Variants in CDH23 observed in about 807,000 individuals in gnomAD.
CDH23 encodes cadherin related 23, also known as cadherin-23.
Under a neutral mutation model 317.1 loss-of-function variants are expected in CDH23, and 189 were observed. The observed-to-expected ratio is 0.60, with a 90% CI of 0.53 to 0.67. The LOEUF (loss-of-function observed/expected upper bound fraction) is 0.67. Among genes scored for constraint, CDH23 ranks in the 30% least tolerant of loss-of-function variants. The pLI, the probability that CDH23 is intolerant of heterozygous loss-of-function variation, is 0.00. For missense variants in CDH23, 4,401 were observed against 4,592.4 expected, an observed-to-expected ratio of 0.96 and a Z score of 1.20; for synonymous variants, 1,839 against 1,876.8, an observed-to-expected ratio of 0.98 and a Z score of 0.52.
intron 19 of CDH23, 147 bp from the exon 20 acceptor site, chr10:71,690,321 G>A (rs1865138377): frequency 1.7e-6 from 1 of 572,392 alleles, no homozygotes; most frequent in East Asian, 3.0e-5. Context: ...CAACAGGCAG[G>A]CCTCCCACCT....
At chr10:71,539,465 G>T (rs1855875182) in intron 6 of CDH23, among the ~76,000 whole-genome samples, 1 of 151,812 alleles carries the variant, frequency 6.6e-6, no homozygotes, top group South Asian at 2.1e-4. Context: ...CTCTCTCTCT[G>T]GTCTTTCTTT....
intron 14 of CDH23, among the ~76,000 whole-genome samples, chr10:71,658,764 A>G (rs1863522461): frequency 6.6e-6 from 1 of 151,958 alleles, no homozygotes; most frequent in African/African-American, 2.4e-5. Context: ...CGGGATTCAG[A>G]CCCCAGACGG....
intron 38 of CDH23, among the ~76,000 whole-genome samples, chr10:71,756,928 A>G (rs1287803928): frequency 6.6e-6 from 1 of 152,236 alleles, no homozygotes; most frequent in Non-Finnish European, 1.5e-5. Context: ...GCAAATGAGA[A>G]CAAACTGTTT....
rs34475820 is a variant in CDH23 at position 71,814,713 on chromosome 10, T to TACACACAC, written c.9739-223_9739-216dup. ...ACACACAATTTTCACAAGAAGCCGA[T>TACACACAC]ACACACACACACACACACACACAGA... On this transcript the variant is annotated intron_variant, in intron 69 of 69. Transcript: ENST00000224721. Among the ~76,000 whole-genome samples the TACACACAC allele has an allele frequency of 1.8e-4, 26 of 146,990 alleles. 1 individual carries two copies. The highest frequency in any genetic ancestry group is 4.7e-4 in the African/African-American group (19 of 40,084).
chr10:71,402,742 TGTGC>T (rs1847839197), intron 1 of CDH23, among the ~76,000 whole-genome samples: 1 of 100,856 alleles, frequency 9.9e-6, no homozygotes. Flanking sequence ...TGTGTGTGTG[TGTGC>T]ACGCGCGCGC....
intron 6 of CDH23, among the ~76,000 whole-genome samples, chr10:71,538,003 C>T (rs971448238): frequency 6.6e-6 from 1 of 152,208 alleles, no homozygotes; most frequent in African/African-American, 2.4e-5. Flanking sequence ...CGGTTTCCCT[C>T]TAAGCCTCAG....
intron 6 of CDH23, among the ~76,000 whole-genome samples, chr10:71,565,621 G>A (rs752831522): frequency 2.6e-5 from 4 of 152,144 alleles, no homozygotes; most frequent in African/African-American, 7.2e-5. Context: ...ACCCTTGAAG[G>A]TGCCCTTGTC....
intron 6 of CDH23, among the ~76,000 whole-genome samples, chr10:71,562,198 C>T (rs971505585): frequency 3.3e-5 from 5 of 152,186 alleles, no homozygotes; most frequent in African/African-American, 1.2e-4. Flanking sequence ...TCCTTGTCCT[C>T]AGATGGCAAA....
Position 71,810,457 on chromosome 10 carries a change from C to CAT in CDH23, c.8980-15_8980-14insAT, listed in dbSNP as rs1564806993. Reference sequence around the variant, plus strand: ...GCTGTGGTGGCCACACCCTACAATACCCCTTCTCATCTAGTTCCATGTGGA... The same window carrying CAT: ...GCTGTGGTGGCCACACCCTACAATACATCCCTTCTCATCTAGTTCCATGTGGA... On this transcript the variant is annotated splice_polypyrimidine_tract_variant and intron_variant, in intron 61 of 69. Coordinates refer to ENST00000224721, the MANE Select transcript of CDH23 (RefSeq NM_022124.6). 1.2e-6 allele frequency: 2 copies of CAT among 1,612,696 alleles called. No homozygotes were observed. Among genetic ancestry groups the CAT allele is most frequent in the Non-Finnish European group, 8.5e-7 (1 of 1,178,700 alleles).
At chr10:71,627,647 G>A (rs7068154) in intron 11 of CDH23, among the ~76,000 whole-genome samples, 4 of 151,950 alleles carry the variant, frequency 2.6e-5, no homozygotes, top group Non-Finnish European at 4.4e-5. Flanking sequence ...GCCGGTTCCC[G>A]CAGCTCCCAG....
intron 6 of CDH23, among the ~76,000 whole-genome samples, chr10:71,553,689 G>A (rs1402961947): frequency 6.6e-6 from 1 of 152,246 alleles, no homozygotes; most frequent in Non-Finnish European, 1.5e-5. Context: ...TCCCATAGAT[G>A]TAAGGCCCGC....
chr10:71,529,695 T>C (rs1475533653), intron 6 of CDH23, among the ~76,000 whole-genome samples: 1 of 152,078 alleles, frequency 6.6e-6, no homozygotes, highest in Non-Finnish European at 1.5e-5. Flanking sequence ...CTAGAGTGTA[T>C]CACACTCATA....
chr10:71,660,736 G>GGGAA (rs1490677338), intron 14 of CDH23, among the ~76,000 whole-genome samples: 2 of 152,148 alleles, frequency 1.3e-5, no homozygotes, highest in African/African-American at 4.8e-5. Context: ...GTGAAAGTTA[G>GGGAA]GGAAGGCATG....
intron 11 of CDH23, among the ~76,000 whole-genome samples, chr10:71,638,430 T>C (rs1325348623): frequency 6.6e-6 from 1 of 152,174 alleles, no homozygotes; most frequent in Non-Finnish European, 1.5e-5. Context: ...GCAGGCCTCG[T>C]TGTGCTGGAG....
At chr10:71,438,206 G>A (rs1165208334) in intron 1 of CDH23, among the ~76,000 whole-genome samples, 2 of 142,224 alleles carry the variant, frequency 1.4e-5, no homozygotes, top group African/African-American at 5.2e-5. Context: ...AGCCAAGCGT[G>A]GTGGCACGCA....
intron 6 of CDH23, among the ~76,000 whole-genome samples, chr10:71,541,982 T>C (rs1016946645): frequency 3.3e-5 from 5 of 152,230 alleles, no homozygotes; most frequent in African/African-American, 4.8e-5. Flanking sequence ...TGGGCCAGAT[T>C]TGGCCCACAG....
chr10:71,738,011 C>A (rs1204760037), intron 34 of CDH23, among the ~76,000 whole-genome samples: 1 of 152,210 alleles, frequency 6.6e-6, no homozygotes, highest in African/African-American at 2.4e-5. Flanking sequence ...AACAAAGACA[C>A]CTTCGGGCAA....
chr10:71,476,115 A>C (rs1022749272), intron 3 of CDH23, among the ~76,000 whole-genome samples: 1 of 149,226 alleles, frequency 6.7e-6, no homozygotes, highest in African/African-American at 2.5e-5. Flanking sequence ...CAGAGCACGC[A>C]GGTGGGGAGG....
chr10:71,715,267 C>G (rs767126165), intron 28 of CDH23: 1 of 152,274 alleles, frequency 6.6e-6, no homozygotes, highest in Non-Finnish European at 1.5e-5. Flanking sequence ...TTGATCCCAA[C>G]GTGGGTGCCC....
Sources: gnomAD v4.1 joint callset for allele counts (sites outside exome capture counted in the v4.1 genomes callset) on GRCh38, gnomAD v4.1.1 for gene constraint, MANE v1.5 for transcripts, NCBI Gene and HGNC (gene_info 2026-07-23, HGNC 2026-07-21) for gene names.